SACM1L: variants seen among roughly 807,000 people sequenced by gnomAD.
SACM1L encodes phosphatidylinositol-3-phosphatase SAC1.
Under a neutral mutation model 89.5 loss-of-function variants are expected in SACM1L, and 32 were observed. The ratio of observed to expected loss-of-function variants is 0.36; its 90% CI spans 0.27 to 0.48. The LOEUF is 0.48. Ranked by LOEUF, SACM1L falls within the 20% of genes least tolerant of loss-of-function variation. SACM1L has a pLI of 0.99. For synonymous variants in SACM1L, 213 were observed against 232.8 expected (o/e 0.92, Z 0.77); for missense variants, 543 against 708.5 (o/e 0.77, Z 2.65).
chr3:45,719,514 T>C lies in SACM1L; in HGVS notation c.592T>C (p.Ser198Pro). The C allele has an allele frequency of 6.2e-7, 1 of 1,601,576 alleles. No homozygotes were observed. The highest frequency in any genetic ancestry group is 8.5e-7 in the Non-Finnish European group (1 of 1,170,558). The change falls in exon 8 of 20, where the codon TCA (serine) becomes CCA (proline). Residue 198 changes from serine (S) to proline (P), a missense_variant. Ser to Pro is a moderately conservative substitution (Grantham distance 74, BLOSUM62 -1). Around this residue, in one of 2 missense-constraint regions of SACM1L, gnomAD observed 370 missense variants for 527.6 expected, o/e 0.70. Transcript: ENST00000389061. Reference protein sequence around the residue: ...PVLHGFITMHSCSINGKYFDW... With the variant: ...PVLHGFITMHPCSINGKYFDW... ...ATGTGGTTAAGTTATTACCATGCAT[T>C]CATGTTCTATTAATGGAAAATACTT...
intron 13 of SACM1L, 140 bp from the exon 14 acceptor site, chr3:45,735,095 C>A: frequency 1.2e-6 from 1 of 803,050 alleles, no homozygotes. Flanking sequence ...ATCACATATG[C>A]CTGACCACAC....
chr3:45,721,454 G>A (rs1046925829), intron 8 of SACM1L, among the ~76,000 whole-genome samples: 12 of 152,326 alleles, frequency 7.9e-5, no homozygotes, highest in African/African-American at 2.4e-4. Flanking sequence ...CCCGGGAAGC[G>A]GAGGTTGCGT....
chr3:45,720,011 C>G (rs1179027574), intron 8 of SACM1L, among the ~76,000 whole-genome samples: 1 of 152,100 alleles, frequency 6.6e-6, no homozygotes, highest in African/African-American at 2.4e-5. Flanking sequence ...CATTTATTTT[C>G]TAGGCTTTGT....
intron 11 of SACM1L, among the ~76,000 whole-genome samples, chr3:45,728,393 T>C (rs1339777263): frequency 6.6e-6 from 1 of 152,190 alleles, no homozygotes; most frequent in African/African-American, 2.4e-5. Flanking sequence ...TTGTGCTTAG[T>C]TGATTTTTTT....
chr3:45,719,861 G>A (rs1473622725), intron 8 of SACM1L, among the ~76,000 whole-genome samples: 1 of 152,136 alleles, frequency 6.6e-6, no homozygotes, highest in Non-Finnish European at 1.5e-5. Flanking sequence ...CTGGATGTCC[G>A]AAAGCACAGC....
chr3:45,731,153 AC>A, intron 11 of SACM1L, 147 bp from the exon 12 acceptor site: 1 of 483,140 alleles, frequency 2.1e-6, no homozygotes, highest in Non-Finnish European at 3.8e-6. Context: ...CAGAGCTCCT[AC>A]AAAGTTGGCT....
At chr3:45,710,753 C>T (rs993089699) in intron 5 of SACM1L, among the ~76,000 whole-genome samples, 1 of 152,066 alleles carries the variant, frequency 6.6e-6, no homozygotes, top group Non-Finnish European at 1.5e-5. Flanking sequence ...TCATGTGGTT[C>T]AACCTAAATT....
intron 6 of SACM1L, 163 bp downstream of exon 6, chr3:45,713,359 C>G: frequency 1.9e-6 from 1 of 515,800 alleles, no homozygotes; most frequent in Non-Finnish European, 3.4e-6. Flanking sequence ...TCACATCATT[C>G]TAGGTTGAAG....
intron 5 of SACM1L, among the ~76,000 whole-genome samples, chr3:45,712,086 CA>C (rs1698543133): frequency 6.6e-6 from 1 of 152,040 alleles, no homozygotes; most frequent in South Asian, 2.1e-4. Context: ...GGTACAAATT[CA>C]GGAACACACA....
chr3:45,736,112 T>C (rs1038009613), intron 14 of SACM1L, among the ~76,000 whole-genome samples: 1 of 152,184 alleles, frequency 6.6e-6, no homozygotes. Context: ...TCAAGCAGTC[T>C]ACCTGCCTCA....
In SACM1L at chr3:45,722,854, T is replaced by G; in HGVS notation, c.766-15T>G. 1 of 1,586,936 alleles carries G rather than the reference T, an allele frequency of 6.3e-7. No homozygotes were observed. Among genetic ancestry groups the G allele is most frequent in the Non-Finnish European group, 8.7e-7 (1 of 1,155,960 alleles). On this transcript the variant is annotated splice_polypyrimidine_tract_variant and intron_variant, in intron 9 of 19. Coordinates refer to ENST00000389061, the MANE Select transcript of SACM1L (RefSeq NM_014016.5). ...ATGTTTGTGTTTCTTTTCACATTTC[T>G]CTCTTTTCTTTTAGACTCGAGGATC...
chr3:45,692,995 G>A (rs1414938143), intron 1 of SACM1L, among the ~76,000 whole-genome samples: 1 of 152,202 alleles, frequency 6.6e-6, no homozygotes, highest in Admixed American at 6.5e-5. Flanking sequence ...AAACATCAGA[G>A]TATAATTACA....
At chr3:45,699,797 C>T (rs1698224742) in intron 1 of SACM1L, among the ~76,000 whole-genome samples, 1 of 152,162 alleles carries the variant, frequency 6.6e-6, no homozygotes, top group Admixed American at 6.5e-5. Context: ...GCTGGGATTA[C>T]AGGTGTGAGC....
chr3:45,702,968 T>C (rs1166549168), intron 1 of SACM1L, among the ~76,000 whole-genome samples: 1 of 152,236 alleles, frequency 6.6e-6, no homozygotes, highest in African/African-American at 2.4e-5. Flanking sequence ...TTGCTTACTA[T>C]GCGTCAGATG....
At chr3:45,724,875 G>A (rs1698882049) in intron 11 of SACM1L, among the ~76,000 whole-genome samples, 1 of 152,152 alleles carries the variant, frequency 6.6e-6, no homozygotes, top group African/African-American at 2.4e-5. Flanking sequence ...TATGGTGTAG[G>A]TGTAAGGGTC....
intron 4 of SACM1L, among the ~76,000 whole-genome samples, chr3:45,708,878 A>C (rs1698458368): frequency 6.6e-6 from 1 of 152,252 alleles, no homozygotes; most frequent in Non-Finnish European, 1.5e-5. Flanking sequence ...AACAAATGTC[A>C]ATCTTAGTAT....
intron 5 of SACM1L, 135 bp downstream of exon 5, chr3:45,709,782 C>A (rs1311721013): frequency 5.3e-6 from 4 of 751,898 alleles, no homozygotes; most frequent in Non-Finnish European, 8.2e-6. Flanking sequence ...TGAAAATATA[C>A]CCTGTTTTAA....
chr3:45,724,766 C>A (rs961525862), intron 11 of SACM1L, among the ~76,000 whole-genome samples: 1 of 152,022 alleles, frequency 6.6e-6, no homozygotes, highest in Non-Finnish European at 1.5e-5. Flanking sequence ...AGTTTTAGAT[C>A]TTACAGTTAG....
Position 45,731,287 on chromosome 3 carries a change from G to A in SACM1L, c.922-14G>A, listed in dbSNP as rs767824278. The A allele has an allele frequency of 6.3e-7, 1 of 1,593,214 alleles. No homozygotes were observed. Among genetic ancestry groups the A allele is most frequent in the East Asian group, 2.2e-5 (1 of 44,490 alleles). On this transcript the variant is annotated splice_polypyrimidine_tract_variant and intron_variant, in intron 11 of 19. Coordinates refer to ENST00000389061, the MANE Select transcript of SACM1L (RefSeq NM_014016.5). ...AAATAAACTGGAAACTATGGTGTTT[G>A]AAATTTTTTACAGATTAACCAGAAG...
Sources: allele counts gnomAD v4.1 joint callset (sites outside exome capture counted in the v4.1 genomes callset), GRCh38; gene constraint gnomAD v4.1.1; regional missense constraint gnomAD v4.1.1; transcripts MANE v1.5; gene names NCBI Gene and HGNC (gene_info 2026-07-23, HGNC 2026-07-21).